Variants in GRIN2B observed in about 807,000 individuals in gnomAD.
The protein encoded by GRIN2B is glutamate ionotropic receptor NMDA type subunit 2B, also known as glutamate receptor ionotropic, NMDA 2B.
GRIN2B carries 5 observed loss-of-function variants against 114.5 expected under a neutral mutation model. The observed-to-expected ratio is 0.04, with a 90% CI of 0.02 to 0.09. The LOEUF (loss-of-function observed/expected upper bound fraction) is 0.09, where lower values mean the gene tolerates loss of function less well. Ranked by LOEUF, GRIN2B falls within the 10% of genes least tolerant of loss-of-function variation. The pLI is 1.00. For missense variants in GRIN2B, 1,108 were observed against 1,943.5 expected (o/e 0.57, Z 8.08); for synonymous variants, 787 against 745.1 (o/e 1.06, Z -0.92).
chr12:13,755,008 C>G (rs973321046), intron 3 of GRIN2B, among the ~76,000 whole-genome samples: 3 of 152,172 alleles, frequency 2.0e-5, no homozygotes, highest in Non-Finnish European at 4.4e-5. Flanking sequence ...CTCCTATTTC[C>G]CCTGATTTCC....
At chr12:13,839,695 G>A (rs78706738) in intron 3 of GRIN2B, among the ~76,000 whole-genome samples, 3 of 152,272 alleles carry the variant, frequency 2.0e-5, no homozygotes, top group East Asian at 1.9e-4. Flanking sequence ...GTGACTGCAC[G>A]CCTCAGATTG....
intron 5 of GRIN2B, among the ~76,000 whole-genome samples, chr12:13,660,028 G>A (rs1318827898): frequency 6.6e-6 from 1 of 152,132 alleles, no homozygotes; most frequent in Non-Finnish European, 1.5e-5. Flanking sequence ...TGCTACTCAG[G>A]GACATCAGTT....
chr12:13,963,360 G>T (rs1401277023), intron 2 of GRIN2B, among the ~76,000 whole-genome samples: 2 of 152,162 alleles, frequency 1.3e-5, no homozygotes, highest in African/African-American at 4.8e-5. Flanking sequence ...CCCAGCTTCT[G>T]CAATTCTCCG....
rs542688096 is a variant in GRIN2B at position 13,930,995 on chromosome 12, T to C, written c.-19+48933A>G. 3.0e-4 allele frequency among the ~76,000 whole-genome samples: 45 copies of C among 152,294 alleles called. No homozygotes were observed. The East Asian group carries it at 6.6e-3, about 22-fold the overall frequency. On this transcript the variant is annotated intron_variant, in intron 2 of 13. Transcript: ENST00000609686. ...CTCTCTTAGGCTACAACTGTAAACA[T>C]AGAATATTCAGAATGAAGAAAAATG...
At chr12:13,719,427 A>C (rs898186933) in intron 4 of GRIN2B, among the ~76,000 whole-genome samples, 6 of 151,704 alleles carry the variant, frequency 4.0e-5, no homozygotes, top group African/African-American at 1.2e-4. Flanking sequence ...CTTAAAAAAA[A>C]AGTCTAAAGT....
At chr12:13,814,257 T>C (rs567010946) in intron 3 of GRIN2B, among the ~76,000 whole-genome samples, 1 of 152,214 alleles carries the variant, frequency 6.6e-6, no homozygotes, top group Non-Finnish European at 1.5e-5. Flanking sequence ...TTCCTCAGTA[T>C]GCACTAATTC....
At chr12:13,613,458 A>G (rs980528854) in intron 8 of GRIN2B, among the ~76,000 whole-genome samples, 1 of 152,156 alleles carries the variant, frequency 6.6e-6, no homozygotes, top group Non-Finnish European at 1.5e-5. Flanking sequence ...GGTTCTTTCC[A>G]ATTCATACTC....
At chr12:13,859,294 C>G (rs1462686542) in intron 3 of GRIN2B, among the ~76,000 whole-genome samples, 1 of 152,184 alleles carries the variant, frequency 6.6e-6, no homozygotes, top group South Asian at 2.1e-4. Context: ...CAAGTGATGG[C>G]TGGTGTGTTA....
chr12:13,610,360 AT>A, intron 9 of GRIN2B, among the ~76,000 whole-genome samples: 1 of 152,242 alleles, frequency 6.6e-6, no homozygotes, highest in Non-Finnish European at 1.5e-5. Flanking sequence ...GCAAATCTGG[AT>A]TTTCGGCTCC....
At position 13,553,860 on chromosome 12, in the gene GRIN2B, T is replaced by C. The variant is rs986748492; in HGVS notation, c.*8923A>G. 3 of 152,192 alleles carry C rather than the reference T, an allele frequency of 2.0e-5. No homozygotes were observed. The highest frequency in any genetic ancestry group is 6.5e-5 in the Admixed American group (1 of 15,282). 9.4% of individuals were successfully genotyped at this position (152,192 alleles called of 1,614,324 possible). On this transcript the variant is annotated 3_prime_UTR_variant, in exon 14 of 14. Coordinates refer to ENST00000609686, the MANE Select transcript of GRIN2B (RefSeq NM_000834.5). The stretch of plus-strand genomic sequence containing the variant: ...GTCACTTACTTGAACACATGTAGTG[T>C]TCCAAGTACACTTTCCTAACCATAA...
chr12:13,578,966 G>A (rs1272981184), intron 10 of GRIN2B, among the ~76,000 whole-genome samples: 1 of 152,040 alleles, frequency 6.6e-6, no homozygotes, highest in African/African-American at 2.4e-5. Context: ...TGTGACCAGG[G>A]GCTATAAATA....
chr12:13,945,927 C>G (rs887991295), intron 2 of GRIN2B, among the ~76,000 whole-genome samples: 3 of 152,160 alleles, frequency 2.0e-5, no homozygotes, highest in Non-Finnish European at 4.4e-5. Flanking sequence ...CATATTATAA[C>G]AACAGTGCAT....
At chr12:13,786,276 G>A (rs945159826) in intron 3 of GRIN2B, among the ~76,000 whole-genome samples, 2 of 152,072 alleles carry the variant, frequency 1.3e-5, no homozygotes, top group African/African-American at 2.4e-5. Context: ...AAAATAATTT[G>A]GGGTTTAATT....
chr12:13,585,349 C>G (rs1565463397), intron 10 of GRIN2B, among the ~76,000 whole-genome samples: 1 of 152,120 alleles, frequency 6.6e-6, no homozygotes, highest in Non-Finnish European at 1.5e-5. Context: ...GCCCTCCTGG[C>G]AATCAATCAG....
chr12:13,564,808 C>T lies in GRIN2B; in HGVS notation c.2599-169G>A, dbSNP rs149766130. Among the ~76,000 whole-genome samples the T allele has an allele frequency of 8.5e-5, 13 of 152,266 alleles. No homozygotes were observed. Among genetic ancestry groups the T allele is most frequent in the Non-Finnish European group, 1.6e-4 (11 of 68,014 alleles). On this transcript the variant is annotated intron_variant, in intron 13 of 13. Coordinates refer to ENST00000609686, the MANE Select transcript of GRIN2B (RefSeq NM_000834.5). The surrounding 1 kb of genome is among the most constrained non-coding windows in gnomAD (Gnocchi z 4.8). ...GCTAGAAGTTTGCCTAATTTATACC[C>T]CTAAATTTGGTGACTGTCATGTGGT...
intron 3 of GRIN2B, among the ~76,000 whole-genome samples, chr12:13,757,974 G>A (rs562987488): frequency 2.8e-4 from 43 of 152,180 alleles, no homozygotes; most frequent in African/African-American, 8.4e-4. Flanking sequence ...GTGCCCCAGC[G>A]GCTGGTAGTG....
At chr12:13,914,232 C>A (rs955702963) in intron 2 of GRIN2B, among the ~76,000 whole-genome samples, 1 of 152,132 alleles carries the variant, frequency 6.6e-6, no homozygotes, top group Non-Finnish European at 1.5e-5. Flanking sequence ...CCCCACTCCT[C>A]CCCACCCCTA....
intron 3 of GRIN2B, among the ~76,000 whole-genome samples, chr12:13,786,575 C>A (rs987737212): frequency 6.6e-5 from 10 of 151,988 alleles, no homozygotes; most frequent in Admixed American, 5.2e-4. Flanking sequence ...AGCAGACCTG[C>A]CATTGGCCGT....
rs1948261159 is a variant in GRIN2B at position 13,540,369 on chromosome 12, T to C, written c.*22414A>G. On this transcript the variant is annotated 3_prime_UTR_variant, in exon 14 of 14. Coordinates refer to ENST00000609686, the MANE Select transcript of GRIN2B (RefSeq NM_000834.5). The stretch of plus-strand genomic sequence containing the variant: ...TTATACATCACAAAGTTTTTCTTGT[T>C]TTTTTATGTTGTCTTTTTTTTAATT... 1 of 152,142 alleles carries C rather than the reference T, an allele frequency of 6.6e-6. No individual in the cohort carries two copies. Among genetic ancestry groups the C allele is most frequent in the African/African-American group, 2.4e-5 (1 of 41,426 alleles). The allele number at this position is 152,142 out of a possible 1,614,324, so 9.4% of individuals were successfully genotyped here. A position where few individuals can be genotyped will look rare whatever the true frequency, so the allele number is the denominator to read the frequency against.
Sources: allele counts gnomAD v4.1 joint callset (sites outside exome capture counted in the v4.1 genomes callset), GRCh38; gene constraint gnomAD v4.1.1; non-coding constraint Gnocchi (gnomAD v3.1); transcripts MANE v1.5; gene names NCBI Gene and HGNC (gene_info 2026-07-23, HGNC 2026-07-21).